CAPN8: variants seen among roughly 807,000 people sequenced by gnomAD.
CAPN8 encodes calpain 8.
In CAPN8, 87 loss-of-function variants were observed where a neutral mutation model predicts 80.9. That is an observed-to-expected ratio of 1.07 (90% CI 0.90 to 1.28). The LOEUF (loss-of-function observed/expected upper bound fraction) is 1.28, where lower values mean the gene tolerates loss of function less well. CAPN8 is among the 50% of genes most tolerant of loss of function. The pLI, the probability that CAPN8 is intolerant of heterozygous loss-of-function variation, is 0.00. For missense variants in CAPN8, 757 were observed against 702.0 expected (o/e 1.08, Z -0.89); for synonymous variants, 299 against 273.8 (o/e 1.09, Z -0.91).
At chr1:223,662,020 T>A (rs774953320) in intron 1 of CAPN8, among the ~76,000 whole-genome samples, 2 of 152,196 alleles carry the variant, frequency 1.3e-5, no homozygotes, top group African/African-American at 2.4e-5. Flanking sequence ...TGCCACAACA[T>A]GGATGAATCT....
At chr1:223,663,995 T>A (rs1359559437) in intron 1 of CAPN8, among the ~76,000 whole-genome samples, 2 of 152,202 alleles carry the variant, frequency 1.3e-5, no homozygotes, top group African/African-American at 4.8e-5. Context: ...TCATAGCCCC[T>A]CTCCTGAGAC....
chr1:223,542,994 G>T, intron 20 of CAPN8, 114 bp downstream of exon 20: 2 of 1,143,536 alleles, frequency 1.7e-6, no homozygotes, highest in Admixed American at 2.2e-5. Context: ...AACATGCATG[G>T]TATTCACATG....
intron 2 of CAPN8, among the ~76,000 whole-genome samples, chr1:223,635,612 G>A (rs1383819246): frequency 6.7e-6 from 1 of 149,324 alleles, no homozygotes; most frequent in Non-Finnish European, 1.5e-5. Context: ...CAGACCTTGA[G>A]TAGTCTATCA....
At chr1:223,650,205 G>A (rs1353287358) in intron 2 of CAPN8, among the ~76,000 whole-genome samples, 3 of 152,130 alleles carry the variant, frequency 2.0e-5, no homozygotes, top group East Asian at 3.9e-4. Flanking sequence ...GGGCAGAGGT[G>A]GCCTTGGAGA....
At chr1:223,546,885 G>GGTGGTTGTTGCT (rs973883560) in intron 16 of CAPN8, among the ~76,000 whole-genome samples, 1 of 149,908 alleles carries the variant, frequency 6.7e-6, no homozygotes, top group Non-Finnish European at 1.5e-5. Context: ...TTTGTTTTGT[G>GGTGGTTGTTGCT]GTTGTTGTTG....
At chr1:223,612,084 A>G (rs1041590725) in intron 11 of CAPN8, among the ~76,000 whole-genome samples, 162 bp downstream of exon 11, 4 of 152,144 alleles carry the variant, frequency 2.6e-5, no homozygotes, top group African/African-American at 9.7e-5. Context: ...CCACTCTCAG[A>G]GCTACCAGCC....
rs188090739 is a variant in CAPN8 at position 223,550,927 on chromosome 1, G to A, written c.1699+33C>T. The A allele has an allele frequency of 7.0e-5, 50 of 716,332 alleles. 1 individual carries two copies. Among genetic ancestry groups the A allele is most frequent in the Admixed American group, 5.0e-4 (25 of 49,906 alleles). 44.4% of individuals were successfully genotyped at this position (716,332 alleles called of 1,614,324 possible). Reference sequence around the variant, plus strand: ...CTCACCCTGCCCCAGCATCTCCTACGGACTTTCTGAAAGACCCCAAGAAGG... The same window carrying A: ...CTCACCCTGCCCCAGCATCTCCTACAGACTTTCTGAAAGACCCCAAGAAGG... On this transcript the variant is annotated intron_variant, in intron 15 of 20. Coordinates refer to ENST00000366872, the MANE Select transcript of CAPN8 (RefSeq NM_001143962.2).
At chr1:223,543,662 A>AC (rs1048874932) in intron 19 of CAPN8, among the ~76,000 whole-genome samples, 1 of 152,012 alleles carries the variant, frequency 6.6e-6, no homozygotes, top group African/African-American at 2.4e-5. Flanking sequence ...TTCAGAGGGC[A>AC]CCCCCCATCC....
intron 1 of CAPN8, among the ~76,000 whole-genome samples, chr1:223,659,421 C>A (rs1322815002): frequency 1.3e-5 from 2 of 152,170 alleles, no homozygotes; most frequent in African/African-American, 2.4e-5. Context: ...CTGTCAGTTT[C>A]CCACAGTGAG....
intron 9 of CAPN8, among the ~76,000 whole-genome samples, chr1:223,616,484 A>G (rs1657193208): frequency 6.6e-6 from 1 of 152,214 alleles, no homozygotes; most frequent in Admixed American, 6.5e-5. Flanking sequence ...CTTCCTGGGG[A>G]AAGACTTAAC....
At chr1:223,543,936 A>G in intron 19 of CAPN8, 131 bp downstream of exon 19, 2 of 618,882 alleles carry the variant, frequency 3.2e-6, no homozygotes, top group Middle Eastern at 3.1e-4. Context: ...AGCATTCCAG[A>G]AGCCCTGTCT....
At chr1:223,545,156 A>C (rs61823552) in intron 17 of CAPN8, 75 bp downstream of exon 17, 383,251 of 1,549,376 alleles carry the variant, frequency 0.25, 48,986 homozygotes, top group African/African-American at 0.41. Context: ...TGTGGTCAGA[A>C]TACAATGGAC....
chr1:223,550,817 G>A lies in CAPN8; in HGVS notation c.1699+143C>T, dbSNP rs1411038639. The A allele has an allele frequency of 5.3e-5, 30 of 563,922 alleles. No homozygotes were observed. In the East Asian group the frequency reaches 8.7e-4, roughly 16 times the overall value. 34.9% of individuals were successfully genotyped at this position (563,922 alleles called of 1,614,324 possible). A position where few individuals can be genotyped will look rare whatever the true frequency, so the allele number is the denominator to read the frequency against. ...TCCTTCTTCCCCTCTTGTCTTGCTG[G>A]ACTGAATCAGGGCTCCTGGGGTCAG... On this transcript the variant is annotated intron_variant, in intron 15 of 20. Coordinates refer to ENST00000366872, the MANE Select transcript of CAPN8 (RefSeq NM_001143962.2).
rs1227190740 is a variant in CAPN8 at position 223,549,383 on chromosome 1, C to T, written c.1700-1G>A. Reference sequence around the variant, plus strand: ...AATCCATCGAATTTTATGTCTGTTCCTAAAGATTTAAATAGAAAAGGGGAG... The same window carrying T: ...AATCCATCGAATTTTATGTCTGTTCTTAAAGATTTAAATAGAAAAGGGGAG... On this transcript the variant is annotated splice_acceptor_variant, in intron 15 of 20. Transcript: ENST00000366872. LOFTEE classifies it high-confidence loss of function. 3.9e-6 allele frequency: 6 copies of T among 1,551,556 alleles called. 1 individual carries two copies. The South Asian group carries it at 5.9e-5, about 15-fold the overall frequency.
intron 1 of CAPN8, among the ~76,000 whole-genome samples, chr1:223,658,116 A>C (rs1658547934): frequency 6.6e-6 from 1 of 152,168 alleles, no homozygotes; most frequent in African/African-American, 2.4e-5. Context: ...ACCCCTAAGC[A>C]TTCTTCTCTC....
chr1:223,654,749 C>G (rs866827011), intron 1 of CAPN8, among the ~76,000 whole-genome samples: 9 of 152,062 alleles, frequency 5.9e-5, no homozygotes, highest in African/African-American at 2.2e-4. Flanking sequence ...GATCTCGGCT[C>G]ACTGCAACCT....
Position 223,546,623 on chromosome 1 carries a change from T to C in CAPN8, c.1765-1324A>G, listed in dbSNP as rs146276111. 4.7e-3 allele frequency among the ~76,000 whole-genome samples: 711 copies of C among 152,336 alleles called. 4 individuals are homozygous for C. Among genetic ancestry groups the C allele is most frequent in the African/African-American group, 0.016 (668 of 41,572 alleles). ...CGGGGCTAGGTACTCTACATACTTG[T>C]ATCTCATTTCATCCTAACAATAGCC... On this transcript the variant is annotated intron_variant, in intron 16 of 20. Transcript: ENST00000366872.
chr1:223,627,400 G>T (rs1316715609), intron 4 of CAPN8, among the ~76,000 whole-genome samples: 3 of 152,188 alleles, frequency 2.0e-5, no homozygotes, highest in Non-Finnish European at 4.4e-5. Context: ...AAAGCCAAGG[G>T]CAACCCCTCC....
intron 19 of CAPN8, among the ~76,000 whole-genome samples, chr1:223,543,802 A>G (rs1378559354): frequency 2.0e-5 from 3 of 152,214 alleles, no homozygotes; most frequent in Non-Finnish European, 4.4e-5. Context: ...CACACTGTAG[A>G]TGCGCAATAG....
Sources: gnomAD v4.1 joint callset for allele counts (sites outside exome capture counted in the v4.1 genomes callset) on GRCh38, gnomAD v4.1.1 for gene constraint, MANE v1.5 for transcripts, NCBI Gene and HGNC (gene_info 2026-07-23, HGNC 2026-07-21) for gene names.